The following ZC3H6 variants were observed in gnomAD, a reference collection of about 807,000 sequenced individuals.
ZC3H6 encodes zinc finger CCCH domain-containing protein 6.
A neutral mutation model predicts 107.7 loss-of-function variants in ZC3H6; 40 were observed. The observed-to-expected ratio is 0.37, with a 90% confidence interval of 0.29 to 0.48. The LOEUF is 0.48. ZC3H6 is among the 20% of genes least tolerant of loss of function. The pLI is 0.98. For missense variants in ZC3H6, 1,267 were observed against 1,410.4 expected (o/e 0.90, Z 1.63); for synonymous variants, 493 against 487.9 (o/e 1.01, Z -0.14).
intron 1 of ZC3H6, among the ~76,000 whole-genome samples, chr2:112,277,940 T>G (rs1686456998): frequency 6.6e-6 from 1 of 152,202 alleles, no homozygotes; most frequent in Admixed American, 6.5e-5. Context: ...TGGCGCTATT[T>G]CTGTTGGTCT....
chr2:112,321,814 T>C lies in ZC3H6; in HGVS notation c.1035T>C (p.Cys345=). ...CAAAATGTTACCAGGGAGACAACTG[T>C]AAATTTTCCCATGATGATCTAACTA... ...SGAKCYQGDN[C]KFSHDDLTKE... Residue 345 remains cysteine (C), a synonymous_variant, in exon 8 of 12, where the codon TGT becomes TGC. Coordinates refer to ENST00000409871, the MANE Select transcript of ZC3H6 (RefSeq NM_198581.3). 1 of 1,551,056 alleles carries C rather than the reference T, an allele frequency of 6.4e-7. No individual in the cohort carries two copies. The highest frequency in any genetic ancestry group is 1.9e-5 in the Admixed American group (1 of 52,644).
chr2:112,318,235 G>A (rs1207915932), intron 7 of ZC3H6, among the ~76,000 whole-genome samples: 8 of 152,188 alleles, frequency 5.3e-5, no homozygotes. Context: ...AGGAATACAT[G>A]ATGAATTGGA....
chr2:112,305,949 C>G (rs1676470362), intron 3 of ZC3H6, among the ~76,000 whole-genome samples: 1 of 152,012 alleles, frequency 6.6e-6, no homozygotes, highest in African/African-American at 2.4e-5. Context: ...TCTAATTTGC[C>G]TTTATTTATT....
At chr2:112,291,766 C>T (rs537835839) in intron 1 of ZC3H6, among the ~76,000 whole-genome samples, 30 of 152,098 alleles carry the variant, frequency 2.0e-4, no homozygotes, top group Middle Eastern at 3.4e-3. Flanking sequence ...TCGCCCAGGC[C>T]AGACTGCAGT....
At chr2:112,295,950 T>A (rs1318221999) in intron 1 of ZC3H6, among the ~76,000 whole-genome samples, 1 of 152,176 alleles carries the variant, frequency 6.6e-6, no homozygotes, top group African/African-American at 2.4e-5. Flanking sequence ...TAATTTTTTT[T>A]ATGCTTTAAG....
intron 3 of ZC3H6, among the ~76,000 whole-genome samples, chr2:112,308,382 G>T (rs1415801268): frequency 1.3e-5 from 2 of 149,882 alleles, no homozygotes; most frequent in Non-Finnish European, 3.0e-5. Flanking sequence ...TTGGTATTTT[G>T]CCAGAGTAGT....
At chr2:112,303,800 C>T (rs181377199) in intron 3 of ZC3H6, among the ~76,000 whole-genome samples, 22 of 152,152 alleles carry the variant, frequency 1.4e-4, no homozygotes, top group Admixed American at 5.9e-4. Context: ...TTGATGGACA[C>T]GTGGGTGTTC....
chr2:112,276,238 C>T (rs1368715348), intron 1 of ZC3H6, among the ~76,000 whole-genome samples: 2 of 148,582 alleles, frequency 1.3e-5, no homozygotes, highest in African/African-American at 2.4e-5. Context: ...GGGGTCGCTG[C>T]TCGCCAGCGC....
At chr2:112,288,776 C>T (rs1428384352) in intron 1 of ZC3H6, among the ~76,000 whole-genome samples, 2 of 152,176 alleles carry the variant, frequency 1.3e-5, no homozygotes, top group Non-Finnish European at 2.9e-5. Context: ...CTCACTTTGC[C>T]AGAACCGTGG....
intron 1 of ZC3H6, among the ~76,000 whole-genome samples, chr2:112,284,847 CA>C (rs1282444958): frequency 1.3e-5 from 2 of 151,032 alleles, no homozygotes; most frequent in African/African-American, 2.4e-5. Flanking sequence ...AATTTATCTC[CA>C]AAAAAATGTG....
intron 3 of ZC3H6, among the ~76,000 whole-genome samples, chr2:112,304,882 T>G (rs1026604595): frequency 2.0e-5 from 3 of 152,234 alleles, no homozygotes; most frequent in Admixed American, 2.0e-4. Flanking sequence ...TTCTATAGTC[T>G]GATTCACTGT....
intron 4 of ZC3H6, 151 bp from the exon 5 acceptor site, chr2:112,311,653 C>A: frequency 1.6e-6 from 1 of 641,472 alleles, no homozygotes; most frequent in Non-Finnish European, 2.4e-6. Context: ...AGATAAGATA[C>A]AAAGATTTAA....
chr2:112,325,690 G>C (rs1676893765), intron 11 of ZC3H6, among the ~76,000 whole-genome samples: 1 of 152,036 alleles, frequency 6.6e-6, no homozygotes. Context: ...AAAATAAATA[G>C]AACAGGAAAA....
chr2:112,289,327 T>TCTTTTTC (rs150113655), intron 1 of ZC3H6, among the ~76,000 whole-genome samples: 1 of 144,604 alleles, frequency 6.9e-6, no homozygotes. Context: ...TTTTTCTTTT[T>TCTTTTTC]TTTTTTTTTT....
intron 2 of ZC3H6, among the ~76,000 whole-genome samples, chr2:112,300,626 A>G (rs1051210043): frequency 9.2e-5 from 14 of 152,228 alleles, no homozygotes; most frequent in Non-Finnish European, 1.3e-4. Context: ...GATTAGCAGC[A>G]TTGGCATTGT....
intron 7 of ZC3H6, among the ~76,000 whole-genome samples, chr2:112,317,542 G>A (rs1676722211): frequency 6.6e-6 from 1 of 152,056 alleles, no homozygotes; most frequent in Admixed American, 6.6e-5. Context: ...CTGCCCTTTG[G>A]AAAAAATTCT....
chr2:112,279,851 A>C (rs1686495851), intron 1 of ZC3H6, among the ~76,000 whole-genome samples: 1 of 152,202 alleles, frequency 6.6e-6, no homozygotes, highest in South Asian at 2.1e-4. Flanking sequence ...AGGTATTATT[A>C]TTTTCAGTCT....
chr2:112,331,877 A>C lies in ZC3H6; in HGVS notation c.2959A>C (p.Lys987Gln), dbSNP rs779783192. The C allele has an allele frequency of 1.2e-6, 2 of 1,613,968 alleles. No individual in the cohort carries two copies. The highest frequency in any genetic ancestry group is 1.3e-5 in the African/African-American group (1 of 75,044). The change falls in exon 12 of 12, where the codon AAG becomes CAG. Residue 987 changes from lysine to glutamine, a missense_variant. By Grantham distance (53) the Lys-to-Gln change is moderately conservative (BLOSUM62 1). Transcript: ENST00000409871. The part of the protein sequence containing the change: ...PNTESHQVVM[K>Q]DSHASKGAPH... ...TACAGAGTCTCATCAAGTGGTTATG[A>C]AGGATTCACATGCATCAAAGGGTGC... is the stretch of plus-strand genomic sequence containing the variant.
At position 112,332,413 on chromosome 2, in the gene ZC3H6, C is replaced by T. The variant is rs776430685; in HGVS notation, c.3495C>T (p.Pro1165=). 1.5e-5 allele frequency: 25 copies of T among 1,613,072 alleles called. No individual in the cohort carries two copies. The highest frequency in any genetic ancestry group is 8.0e-5 in the African/African-American group (6 of 74,886). The change falls in exon 12 of 12, where the codon CCC becomes CCT. Residue 1165 remains proline (P), a synonymous_variant. Transcript: ENST00000409871. ...GQGSPTPDND[P]GRETDDKSLK... ...GGAGCCCGACCCCAGATAATGATCCCGGTAGAGAAACAGATGACAAATCTC... is the reference window on the plus strand; with the variant it reads ...GGAGCCCGACCCCAGATAATGATCCTGGTAGAGAAACAGATGACAAATCTC...
Sources: allele counts gnomAD v4.1 joint callset (sites outside exome capture counted in the v4.1 genomes callset), GRCh38; gene constraint gnomAD v4.1.1; transcripts MANE v1.5; gene names NCBI Gene and HGNC (gene_info 2026-07-23, HGNC 2026-07-21).